DCT: variants seen among roughly 807,000 people sequenced by gnomAD.
DCT encodes the protein L-dopachrome tautomerase.
A neutral mutation model predicts 53.0 loss-of-function variants in DCT; 47 were observed. That is an observed-to-expected ratio of 0.89 (90% CI 0.70 to 1.13). The LOEUF is 1.13. Ranked by LOEUF, DCT falls within the 50% of genes most tolerant of loss-of-function variation. DCT has a pLI of 0.00. For missense variants in DCT, 669 were observed against 637.4 expected (o/e 1.05, Z -0.53); for synonymous variants, 244 against 237.0 (o/e 1.03, Z -0.27).
the DCT span, among the ~76,000 whole-genome samples, chr13:94,497,899 C>T: frequency 6.6e-6 from 1 of 151,204 alleles, no homozygotes; most frequent in Non-Finnish European, 1.5e-5. Context: ...TGTGTACACA[C>T]ATGCATGCAC....
At chr13:94,480,575 A>G (rs905631373), upstream of DCT, among the ~76,000 whole-genome samples, 1 of 152,210 alleles carries the variant, frequency 6.6e-6, no homozygotes, top group African/African-American at 2.4e-5. Context: ...AGGTGAAACA[A>G]TTATATAGGT....
At chr13:94,526,376 A>G in the DCT span, among the ~76,000 whole-genome samples, 5 of 152,204 alleles carry the variant, frequency 3.3e-5, no homozygotes, top group Admixed American at 3.3e-4. Flanking sequence ...GGATATTCCG[A>G]GATATTAAAA....
At chr13:94,518,207 T>C in the DCT span, among the ~76,000 whole-genome samples, 1 of 151,892 alleles carries the variant, frequency 6.6e-6, no homozygotes, top group African/African-American at 2.4e-5. Context: ...GCCATCTTTG[T>C]GTCAGCAACT....
the DCT span, among the ~76,000 whole-genome samples, chr13:94,500,530 A>G: frequency 6.6e-6 from 1 of 152,300 alleles, no homozygotes; most frequent in Admixed American, 6.5e-5. Context: ...CCATATCACT[A>G]CCATTCTGCT....
the DCT span, among the ~76,000 whole-genome samples, chr13:94,521,862 A>T: frequency 6.6e-6 from 1 of 152,204 alleles, no homozygotes; most frequent in Admixed American, 6.5e-5. Flanking sequence ...GAACATTTGC[A>T]TTATTATAAA....
chr13:94,546,515 C>T, the DCT span, among the ~76,000 whole-genome samples: 3 of 152,082 alleles, frequency 2.0e-5, no homozygotes, highest in East Asian at 1.9e-4. The surrounding 1 kb of genome is among the most constrained non-coding windows in gnomAD (Gnocchi z 4.2). Context: ...ACCAGGTGTG[C>T]GCCTCCATCC....
intron 2 of DCT, 73 bp downstream of exon 2, chr13:94,468,673 A>G (rs927431134): frequency 3.1e-5 from 40 of 1,310,842 alleles, no homozygotes; most frequent in Non-Finnish European, 3.9e-5. Flanking sequence ...GCATGAAATT[A>G]CTTCCCACTG....
chr13:94,440,002 G>C lies in DCT; in HGVS notation c.1456C>G (p.Leu486Val), dbSNP rs141419278. ...VMGTLVALVG[L>V]FVLLAFLQYR... ...TGAAGAAAAGCCAACAGCACAAAAA[G>C]ACCAACCAAAGCCACCAGTGTTCCC... The change falls in exon 8 of 8, where the codon CTT becomes GTT. Residue 486 changes from leucine (L) to valine (V), a missense_variant. Transcript: ENST00000377028. 4 of 1,614,014 alleles carry C rather than the reference G, an allele frequency of 2.5e-6. No individual in the cohort carries two copies. In the South Asian group the frequency reaches 3.3e-5, roughly 13 times the overall value.
rs1408180120 is a variant in DCT, at chr13:94,438,072, T to C, written c.*1826A>G. The C allele has an allele frequency of 6.6e-6, 1 of 152,240 alleles. No homozygotes were observed. The highest frequency in any genetic ancestry group is 1.9e-4 in the East Asian group (1 of 5,202). The allele number at this position is 152,240 out of a possible 1,614,324, so 9.4% of individuals were successfully genotyped here. ...AAAGTAACTTCTGGCGCTTTTAACA[T>C]AATTGATTTATACATAACTTTTCAG... On this transcript the variant is annotated 3_prime_UTR_variant, in exon 8 of 8. Transcript: ENST00000377028.
the DCT span, among the ~76,000 whole-genome samples, chr13:94,504,480 G>A: frequency 6.6e-5 from 10 of 152,174 alleles, no homozygotes; most frequent in African/African-American, 2.2e-4. Flanking sequence ...TGATTCTCCT[G>A]CCTCAGCCTC....
chr13:94,502,511 T>C, the DCT span, among the ~76,000 whole-genome samples: 3 of 152,166 alleles, frequency 2.0e-5, no homozygotes, highest in Non-Finnish European at 4.4e-5. Flanking sequence ...TCCTTAACTA[T>C]TGCACCTGCG....
At chr13:94,446,252 T>C (rs1462828087) in intron 6 of DCT, among the ~76,000 whole-genome samples, 2 of 152,172 alleles carry the variant, frequency 1.3e-5, no homozygotes, top group Non-Finnish European at 2.9e-5. Context: ...CACAGCACCT[T>C]TCTTGTAGGA....
At chr13:94,538,297 G>C in the DCT span, among the ~76,000 whole-genome samples, 1 of 152,128 alleles carries the variant, frequency 6.6e-6, no homozygotes, top group Non-Finnish European at 1.5e-5. Context: ...ATAAAATAAG[G>C]ATTTTTATTT....
chr13:94,465,574 T>C lies in DCT; in HGVS notation c.863+59A>G, dbSNP rs772263162. The C allele has an allele frequency of 3.3e-6, 5 of 1,498,968 alleles. No homozygotes were observed. In the African/African-American group the frequency reaches 5.5e-5, roughly 17 times the overall value. 92.9% of individuals were successfully genotyped at this position (1,498,968 alleles called of 1,614,324 possible). On this transcript the variant is annotated intron_variant, in intron 4 of 7. Coordinates refer to ENST00000377028, the MANE Select transcript of DCT (RefSeq NM_001922.5). ...GCACTATAAAGTGACTTCTCCTCCA[T>C]GTCTCAGACATCAGAAAAGACAATC...
In DCT at chr13:94,479,286, TCTTA is replaced by T. The variant is rs1250476236; in HGVS notation, c.-35_-32del. The T allele has an allele frequency of 2.6e-6, 4 of 1,513,980 alleles. No homozygotes were observed. Among genetic ancestry groups the T allele is most frequent in the Non-Finnish European group, 3.6e-6 (4 of 1,124,952 alleles). The allele number at this position is 1,513,980 out of a possible 1,614,324, so 93.8% of individuals were successfully genotyped here. ...TATAATTGGGAGAGCTCTCTCTCTCTCTTACTTTCCTTGTCTCTGTCGTACTTTT... is the reference window on the plus strand; with the variant it reads ...TATAATTGGGAGAGCTCTCTCTCTCTCTTTCCTTGTCTCTGTCGTACTTTT... On this transcript the variant is annotated 5_prime_UTR_variant, in exon 1 of 8. Coordinates refer to ENST00000377028, the MANE Select transcript of DCT (RefSeq NM_001922.5).
chr13:94,462,057 C>G lies in DCT; in HGVS notation c.996G>C (p.Gln332His). ...LKDIRDCLSL[Q>H]KFDNPPFFQN... ...GGAAGAAGGGAGGATTGTCAAACTT[C>G]TGGAGAGACAGGCAATCTCGTATGT... The change falls in exon 5 of 8, where the codon CAG becomes CAC. Residue 332 changes from glutamine (Q) to histidine (H), a missense_variant. Transcript: ENST00000377028. The G allele has an allele frequency of 6.2e-7, 1 of 1,613,292 alleles. No individual in the cohort carries two copies. The highest frequency in any genetic ancestry group is 8.5e-7 in the Non-Finnish European group (1 of 1,179,874).
At chr13:94,440,944 G>T (rs1033857438) in intron 7 of DCT, among the ~76,000 whole-genome samples, 1 of 152,180 alleles carries the variant, frequency 6.6e-6, no homozygotes, top group East Asian at 1.9e-4. Context: ...GCCTCCCAAA[G>T]TGCTGGGATT....
At chr13:94,445,348 G>T (rs1004900507) in intron 6 of DCT, among the ~76,000 whole-genome samples, 1 of 152,190 alleles carries the variant, frequency 6.6e-6, no homozygotes, top group South Asian at 2.1e-4. Context: ...CCTATCTTGT[G>T]CCTGAGCCCT....
intron 3 of DCT, 38 bp downstream of exon 3, chr13:94,466,520 A>T (rs764303516): frequency 7.7e-5 from 108 of 1,393,654 alleles, no homozygotes; most frequent in Non-Finnish European, 1.0e-4. Flanking sequence ...TAAATTTTTT[A>T]AAAAATTAAA....
Sources: gnomAD v4.1 joint callset for allele counts (sites outside exome capture counted in the v4.1 genomes callset) on GRCh38, gnomAD v4.1.1 for gene constraint, Gnocchi (gnomAD v3.1) non-coding constraint, MANE v1.5 for transcripts, NCBI Gene and HGNC (gene_info 2026-07-23, HGNC 2026-07-21) for gene names.